Variants in ADCY2 observed in about 807,000 individuals in gnomAD.
The protein encoded by ADCY2 is adenylate cyclase 2.
In ADCY2, 31 loss-of-function variants were observed where a neutral mutation model predicts 125.2. That is an observed-to-expected ratio of 0.25 (90% CI 0.19 to 0.33). The LOEUF (loss-of-function observed/expected upper bound fraction) is 0.33. Ranked by LOEUF, ADCY2 falls within the 10% of genes least tolerant of loss-of-function variation. The probability of loss-of-function intolerance (pLI) is 1.00; values close to 1 mark genes in which losing one functional copy is unlikely to be tolerated. For missense variants in ADCY2, 904 were observed against 1,418.2 expected, an observed-to-expected ratio of 0.64 and a Z score of 5.82; for synonymous variants, 512 against 548.4, an observed-to-expected ratio of 0.93 and a Z score of 0.93.
rs1238191369 is a variant in ADCY2 at position 7,501,957 on chromosome 5, TG to T, written c.409-18777del. Among the ~76,000 whole-genome samples, 25 of 152,046 alleles carry T rather than the reference TG, an allele frequency of 1.6e-4. 1 individual carries two copies. The highest frequency in any genetic ancestry group is 1.5e-5 in the Non-Finnish European group (1 of 68,010). On this transcript the variant is annotated intron_variant, in intron 2 of 24. Transcript: ENST00000338316. ...GACGCAGAGAGTCTCTTTCCTAAGC[TG>T]GGGAAATACTATTCACGATCAATGG...
chr5:7,663,435 G>A (rs184014819), intron 4 of ADCY2, among the ~76,000 whole-genome samples: 6 of 152,238 alleles, frequency 3.9e-5, no homozygotes, highest in African/African-American at 1.2e-4. Flanking sequence ...CCCACGGGGG[G>A]GCCTGGAGCC....
chr5:7,632,918 A>G (rs557491740), intron 4 of ADCY2, among the ~76,000 whole-genome samples: 2 of 152,120 alleles, frequency 1.3e-5, no homozygotes, highest in Admixed American at 6.5e-5. Context: ...ATCACCACAA[A>G]TTTGCGAAGA....
rs1281016502 is a variant in ADCY2, at chr5:7,557,000, A to G, written c.570+36101A>G. On this transcript the variant is annotated intron_variant, in intron 3 of 24. Coordinates refer to ENST00000338316, the MANE Select transcript of ADCY2 (RefSeq NM_020546.3). ...AAGAAACGATAGATGATTTTAGTTC[A>G]CTAAAATTAAAAATTTTATTTGTGC... 3.3e-5 allele frequency among the ~76,000 whole-genome samples: 5 copies of G among 152,076 alleles called. No individual in the cohort carries two copies. In the East Asian group the frequency reaches 9.6e-4, roughly 29 times the overall value.
At chr5:7,580,762 A>G (rs1055860289) in intron 3 of ADCY2, among the ~76,000 whole-genome samples, 1 of 152,240 alleles carries the variant, frequency 6.6e-6, no homozygotes, top group African/African-American at 2.4e-5. Context: ...AAATACAAAG[A>G]ACACCTCTAC....
At chr5:7,537,500 C>T (rs1734852953) in intron 3 of ADCY2, among the ~76,000 whole-genome samples, 1 of 152,184 alleles carries the variant, frequency 6.6e-6, no homozygotes. Flanking sequence ...CACACTCACC[C>T]CTCCATCTTG....
At chr5:7,658,059 T>C (rs942131955) in intron 4 of ADCY2, 1 of 152,192 alleles carries the variant, frequency 6.6e-6, no homozygotes, top group African/African-American at 2.4e-5. Flanking sequence ...TCCCTCACCC[T>C]TCGACACGAA....
In ADCY2 at chr5:7,396,399, G is replaced by C; in HGVS notation, c.103G>C (p.Glu35Gln). The C allele has an allele frequency of 6.4e-7, 1 of 1,571,580 alleles. No individual in the cohort carries two copies. Among genetic ancestry groups the C allele is most frequent in the South Asian group, 1.1e-5 (1 of 87,612 alleles). Residue 35 changes from glutamate (E) to glutamine (Q), a missense_variant, in exon 1 of 25, where the codon GAG (glutamate) becomes CAG (glutamine). This residue lies in a region of ADCY2 where 113 missense variants were observed against 108.0 expected (regional missense o/e 1.05). Transcript: ENST00000338316. The surrounding 1 kb of genome is among the most constrained non-coding windows in gnomAD (Gnocchi z 5.7). ...GLPRSRDWLY[E>Q]SYYCMSQQHP... is the part of the protein sequence containing the mutation. ...GCCGCGGTCCCGGGACTGGCTCTAC[G>C]AGTCCTACTACTGCATGAGCCAGCA...
At chr5:7,439,739 C>T (rs1740938293) in intron 2 of ADCY2, among the ~76,000 whole-genome samples, 1 of 151,990 alleles carries the variant, frequency 6.6e-6, no homozygotes, top group African/African-American at 2.4e-5. Context: ...ATACACAATC[C>T]ATCTGATTGT....
intron 2 of ADCY2, among the ~76,000 whole-genome samples, chr5:7,451,917 T>C (rs555704969): frequency 6.6e-6 from 1 of 152,254 alleles, no homozygotes; most frequent in East Asian, 1.9e-4. Flanking sequence ...GTTTTCTTTT[T>C]GTTTGTTTTA....
In ADCY2 at chr5:7,396,586, T is replaced by G; in HGVS notation, c.210+80T>G. The G allele has an allele frequency of 7.9e-7, 1 of 1,264,204 alleles. No individual in the cohort carries two copies. The highest frequency in any genetic ancestry group is 1.6e-5 in the South Asian group (1 of 61,606). The allele number at this position is 1,264,204 out of a possible 1,614,324, so 78.3% of individuals were successfully genotyped here. The stretch of plus-strand genomic sequence containing the variant: ...CCCGGCCAGCCGAGCCGCGTCCCGC[T>G]CCGGGCTGCCCCTCGGCCCGCGGCA... On this transcript the variant is annotated intron_variant, in intron 1 of 24. Transcript: ENST00000338316. The surrounding 1 kb of genome is among the most constrained non-coding windows in gnomAD (Gnocchi z 5.7).
intron 3 of ADCY2, among the ~76,000 whole-genome samples, chr5:7,564,095 A>C (rs1303085361): frequency 6.6e-6 from 1 of 152,214 alleles, no homozygotes; most frequent in Non-Finnish European, 1.5e-5. Context: ...TGTAAAACAT[A>C]GTCTTTGTAA....
intron 2 of ADCY2, among the ~76,000 whole-genome samples, chr5:7,481,002 G>C (rs972956873): frequency 6.6e-6 from 1 of 152,096 alleles, no homozygotes; most frequent in South Asian, 2.1e-4. Context: ...ATATACTGAG[G>C]AGTAGGATTG....
At chr5:7,485,683 C>G (rs1742900639) in intron 2 of ADCY2, among the ~76,000 whole-genome samples, 1 of 152,068 alleles carries the variant, frequency 6.6e-6, no homozygotes, top group African/African-American at 2.4e-5. Flanking sequence ...AAATATATAA[C>G]TGAGTCTTCA....
At chr5:7,492,309 C>T (rs2126490163) in intron 2 of ADCY2, among the ~76,000 whole-genome samples, 1 of 152,300 alleles carries the variant, frequency 6.6e-6, no homozygotes, top group South Asian at 2.1e-4. Context: ...CCTGTAGTGT[C>T]ACACCACAGG....
chr5:7,801,348 A>C (rs1744588234), intron 20 of ADCY2: 1 of 152,266 alleles, frequency 6.6e-6, no homozygotes, highest in Non-Finnish European at 1.5e-5. Flanking sequence ...CATCTTGTTT[A>C]ACAGAACTCT....
intron 2 of ADCY2, among the ~76,000 whole-genome samples, chr5:7,506,897 C>A (rs1301564047): frequency 6.8e-6 from 1 of 146,084 alleles, no homozygotes; most frequent in Admixed American, 7.0e-5. Context: ...ACGCCATTCT[C>A]CTGCCTCAGC....
intron 20 of ADCY2, chr5:7,797,660 C>G (rs1022538487): frequency 2.0e-5 from 3 of 152,214 alleles, no homozygotes; most frequent in African/African-American, 7.2e-5. Context: ...GACGCTTGCT[C>G]TCTTATTCCA....
intron 3 of ADCY2, among the ~76,000 whole-genome samples, chr5:7,558,349 G>A (rs972755022): frequency 6.6e-6 from 1 of 151,996 alleles, no homozygotes; most frequent in African/African-American, 2.4e-5. Context: ...TGCCTGGCCT[G>A]TTTGTTTTTA....
intron 3 of ADCY2, among the ~76,000 whole-genome samples, chr5:7,598,212 C>A (rs186537307): frequency 3.2e-4 from 49 of 152,042 alleles, no homozygotes; most frequent in Non-Finnish European, 6.2e-4. Flanking sequence ...AGTGGCCAAA[C>A]GTTAGAGAAA....
Sources: allele counts gnomAD v4.1 joint callset (sites outside exome capture counted in the v4.1 genomes callset), GRCh38; gene constraint gnomAD v4.1.1; regional missense constraint gnomAD v4.1.1; non-coding constraint Gnocchi (gnomAD v3.1); transcripts MANE v1.5; gene names NCBI Gene and HGNC (gene_info 2026-07-23, HGNC 2026-07-21).